Variants in SCARB2 observed in about 807,000 individuals in gnomAD.
The protein encoded by SCARB2 is scavenger receptor class B member 2.
In SCARB2, 29 loss-of-function variants were observed where a neutral mutation model predicts 58.6. That is an observed-to-expected ratio of 0.49 (90% CI 0.37 to 0.67). The LOEUF is 0.67. Ranked by LOEUF, SCARB2 falls within the 30% of genes least tolerant of loss-of-function variation. SCARB2 has a pLI of 0.00. For missense variants in SCARB2, 488 were observed against 578.5 expected, an observed-to-expected ratio of 0.84 and a Z score of 1.60; for synonymous variants, 195 against 210.1, an observed-to-expected ratio of 0.93 and a Z score of 0.62.
intron 7 of SCARB2, among the ~76,000 whole-genome samples, chr4:76,171,440 T>C (rs1409792838): frequency 6.6e-6 from 1 of 152,180 alleles, no homozygotes; most frequent in African/African-American, 2.4e-5. Context: ...AAACCCAATC[T>C]GCCTGACTCC....
At chr4:76,222,336 C>T (rs545333578) in intron 1 of SCARB2, among the ~76,000 whole-genome samples, 2 of 152,152 alleles carry the variant, frequency 1.3e-5, no homozygotes, top group African/African-American at 2.4e-5. Context: ...AAGCAATCCT[C>T]GTGCCTTGGC....
At chr4:76,162,069 C>T (rs1313477577) in intron 11 of SCARB2, 6 of 423,788 alleles carry the variant, frequency 1.4e-5, no homozygotes, top group Non-Finnish European at 1.8e-5. Context: ...GGAGTAGTGT[C>T]TCAGAGGTAT....
chr4:76,225,692 T>C (rs748474087), intron 1 of SCARB2, among the ~76,000 whole-genome samples: 14 of 152,240 alleles, frequency 9.2e-5, no homozygotes, highest in Non-Finnish European at 1.3e-4. Flanking sequence ...ATCACACTTA[T>C]TGACTTGCGT....
At chr4:76,206,967 T>C (rs17001647) in intron 1 of SCARB2, among the ~76,000 whole-genome samples, 3,652 of 152,238 alleles carry the variant, frequency 0.024, 131 homozygotes, top group African/African-American at 0.083. Context: ...ATTAACAAGA[T>C]AGCTTCCAAA....
At chr4:76,173,233 G>A (rs1160116849) in intron 7 of SCARB2, 1 of 152,112 alleles carries the variant, frequency 6.6e-6, no homozygotes, top group South Asian at 2.1e-4. Context: ...GGACATTTGT[G>A]TCAGGGTTTA....
At chr4:76,162,126 T>C in intron 11 of SCARB2, 2 of 264,436 alleles carry the variant, frequency 7.6e-6, no homozygotes, top group Non-Finnish European at 1.5e-5. Context: ...GGAAGGTTAA[T>C]TGTAGGAGCA....
chr4:76,198,041 C>T (rs1732750551), intron 1 of SCARB2, among the ~76,000 whole-genome samples: 1 of 152,176 alleles, frequency 6.6e-6, no homozygotes, highest in African/African-American at 2.4e-5. Flanking sequence ...GAGCCTGATG[C>T]TGCCTCAGCT....
At chr4:76,218,465 G>C (rs76773060), upstream of SCARB2, among the ~76,000 whole-genome samples, 9 of 152,172 alleles carry the variant, frequency 5.9e-5, no homozygotes, top group African/African-American at 1.2e-4. Flanking sequence ...AGGCCACAGG[G>C]ACTCTCTGTG....
At chr4:76,221,172 A>T (rs1316947148) in intron 1 of SCARB2, among the ~76,000 whole-genome samples, 1 of 152,204 alleles carries the variant, frequency 6.6e-6, no homozygotes, top group Non-Finnish European at 1.5e-5. Context: ...GGGGAAGGGG[A>T]CAGGCTTTCT....
At chr4:76,199,578 GTTAT>G (rs1320209214) in intron 1 of SCARB2, among the ~76,000 whole-genome samples, 1 of 152,180 alleles carries the variant, frequency 6.6e-6, no homozygotes, top group Non-Finnish European at 1.5e-5. Flanking sequence ...ATACTAAAAT[GTTAT>G]TTGTTATCTG....
chr4:76,174,046 T>C (rs1732191894), intron 7 of SCARB2, 98 bp downstream of exon 7: 6 of 1,433,376 alleles, frequency 4.2e-6, no homozygotes, highest in African/African-American at 1.4e-5. Flanking sequence ...GCTGGGACTG[T>C]AGGTGTGCGC....
In SCARB2 at chr4:76,202,465, T is replaced by C. The variant is rs546921470; in HGVS notation, c.118-6601A>G. Among the ~76,000 whole-genome samples the C allele has an allele frequency of 2.9e-3, 441 of 152,262 alleles. 2 individuals carry two copies. The highest frequency in any genetic ancestry group is 0.01 in the African/African-American group (422 of 41,550). On this transcript the variant is annotated intron_variant, in intron 1 of 11. Transcript: ENST00000264896. Reference sequence around the variant, plus strand: ...TAGTAGAGAAAGGGCTTCACCATGTTAGTCAGGCTGATCTTGAACTCCTGA... The same window carrying C: ...TAGTAGAGAAAGGGCTTCACCATGTCAGTCAGGCTGATCTTGAACTCCTGA...
intron 2 of SCARB2, among the ~76,000 whole-genome samples, chr4:76,181,940 C>T (rs1034110500): frequency 1.3e-5 from 2 of 152,130 alleles, no homozygotes; most frequent in East Asian, 3.9e-4. Context: ...TCTTAGAAAG[C>T]GCCTGGTGCC....
chr4:76,229,804 T>C (rs1191011561), intron 1 of SCARB2, among the ~76,000 whole-genome samples: 1 of 152,196 alleles, frequency 6.6e-6, no homozygotes, highest in Non-Finnish European at 1.5e-5. Context: ...GCTGGCTTTC[T>C]TGGATGCTGG....
At chr4:76,185,448 T>C (rs1025025302) in intron 2 of SCARB2, among the ~76,000 whole-genome samples, 2 of 152,242 alleles carry the variant, frequency 1.3e-5, no homozygotes, top group African/African-American at 2.4e-5. Flanking sequence ...TGGTATTTAG[T>C]AGATGCTAAT....
chr4:76,195,850 C>T lies in SCARB2; in HGVS notation c.132G>A (p.Arg44=), dbSNP rs1388421499. The T allele has an allele frequency of 4.3e-6, 7 of 1,609,754 alleles. No homozygotes were observed. The highest frequency in any genetic ancestry group is 4.5e-5 in the East Asian group (2 of 44,888). ...DQSIEKKIVL[R]NGTEAFDSWE... ...AGGAGTCAAATGCCTCAGTACCATT[C>T]CTTAACACAATTTTCTAGGAAAAAA... The change falls in exon 2 of 12, where the codon AGG becomes AGA. Residue 44 remains arginine, a synonymous_variant. Transcript: ENST00000264896.
chr4:76,231,074 A>C (rs572793372), intron 1 of SCARB2, among the ~76,000 whole-genome samples: 1 of 151,874 alleles, frequency 6.6e-6, no homozygotes, highest in East Asian at 1.9e-4. Context: ...ACTCCCTATC[A>C]TAAGCTGCAT....
intron 1 of SCARB2, among the ~76,000 whole-genome samples, chr4:76,227,840 A>G (rs1325152616): frequency 2.0e-5 from 3 of 152,200 alleles, no homozygotes; most frequent in Admixed American, 6.5e-5. Context: ...TGATATAAGA[A>G]TAGCTATTCC....
At chr4:76,165,914 CATCT>C (rs1731999750) in intron 10 of SCARB2, 1 of 412,374 alleles carries the variant, frequency 2.4e-6, no homozygotes, top group Non-Finnish European at 4.5e-6. Context: ...GGCTAGCTGG[CATCT>C]ATCTGAGTGT....
Sources: gnomAD v4.1 joint callset for allele counts (sites outside exome capture counted in the v4.1 genomes callset) on GRCh38, gnomAD v4.1.1 for gene constraint, MANE v1.5 for transcripts, NCBI Gene and HGNC (gene_info 2026-07-23, HGNC 2026-07-21) for gene names.